IQGAP2: variants seen among roughly 807,000 people sequenced by gnomAD.
IQGAP2 encodes the protein ras GTPase-activating-like protein IQGAP2.
Under a neutral mutation model 201.3 loss-of-function variants are expected in IQGAP2, and 173 were observed. That is an observed-to-expected ratio of 0.86 (90% CI 0.76 to 0.98). IQGAP2 has a LOEUF of 0.98. Among genes scored for constraint, IQGAP2 ranks in the 50% least tolerant of loss-of-function variants. The probability of loss-of-function intolerance (pLI) is 0.00; values close to 1 mark genes in which losing one functional copy is unlikely to be tolerated. For missense variants in IQGAP2, 1,687 were observed against 1,864.8 expected, an observed-to-expected ratio of 0.90 and a Z score of 1.76; for synonymous variants, 675 against 673.9, an observed-to-expected ratio of 1.00 and a Z score of -0.03.
intron 7 of IQGAP2, 136 bp from the exon 8 acceptor site, chr5:76,590,272 C>G (rs1263658070): frequency 8.9e-6 from 6 of 676,782 alleles, no homozygotes; most frequent in East Asian, 2.6e-5. Flanking sequence ...TAATATGTCT[C>G]AGTTCTCTTT....
Position 76,701,168 on chromosome 5 carries a change from A to G in IQGAP2, c.4460A>G (p.His1487Arg), listed in dbSNP as rs765659502. 2 of 1,614,264 alleles carry G rather than the reference A, an allele frequency of 1.2e-6. No individual in the cohort carries two copies. Among genetic ancestry groups the G allele is most frequent in the South Asian group, 1.1e-5 (1 of 91,088 alleles). ...GTGAAGTACACTGCAGCAAAGCTGC[A>G]TGAGAAAGGTGTCCTGCTAGATATA... is the stretch of plus-strand genomic sequence containing the variant. ...KPVKYTAAKL[H>R]EKGVLLDIDD... Residue 1487 changes from histidine (H) to arginine (R), a missense_variant, in exon 34 of 36, where the codon CAT (histidine) becomes CGT (arginine). Coordinates refer to ENST00000274364, the MANE Select transcript of IQGAP2 (RefSeq NM_006633.5).
chr5:76,411,881 C>T (rs1751139921), intron 1 of IQGAP2, among the ~76,000 whole-genome samples: 1 of 152,138 alleles, frequency 6.6e-6, no homozygotes, highest in African/African-American at 2.4e-5. Context: ...TTATAGGAGC[C>T]ATTGGGAAGG....
chr5:76,654,180 TATTTTTTA>T lies in IQGAP2; in HGVS notation c.2179-18_2179-11del. The T allele has an allele frequency of 6.4e-7, 1 of 1,567,690 alleles. No individual in the cohort carries two copies. Among genetic ancestry groups the T allele is most frequent in the Admixed American group, 1.8e-5 (1 of 57,138 alleles). ...CTCTTTATTTTTTGTTGTACTTTTC[TATTTTTTA>T]AAACCTTTCAGATTCAGTCCTGGTT... On this transcript the variant is annotated splice_polypyrimidine_tract_variant and intron_variant, in intron 18 of 35. Transcript: ENST00000274364.
At chr5:76,556,350 T>C (rs974793859) in intron 2 of IQGAP2, among the ~76,000 whole-genome samples, 1 of 152,140 alleles carries the variant, frequency 6.6e-6, no homozygotes, top group African/African-American at 2.4e-5. Flanking sequence ...GAAGGGAAGA[T>C]GGAGCCGCCA....
rs777788888 is a variant in IQGAP2 at position 76,683,185 on chromosome 5, T to C, written c.3731T>C (p.Leu1244Pro). Residue 1244 changes from leucine (L) to proline (P), a missense_variant, in exon 29 of 36, where the codon CTG becomes CCG. Physicochemically the swap from Leu to Pro is moderately conservative, Grantham distance 98. Transcript: ENST00000274364. Reference protein sequence around the residue: ...NDLLSELLGSLGEVPTVESFL... With the variant: ...NDLLSELLGSPGEVPTVESFL... ...TTACTGAGTGAATTGCTGGGGTCGC[T>C]GGGAGAGGTGCCAACCGTGGAATCT... 9.9e-6 allele frequency: 16 copies of C among 1,612,372 alleles called. No homozygotes were observed. Among genetic ancestry groups the C allele is most frequent in the Non-Finnish European group, 1.4e-5 (16 of 1,179,248 alleles).
intron 2 of IQGAP2, among the ~76,000 whole-genome samples, chr5:76,472,027 G>T (rs953149845): frequency 6.6e-6 from 1 of 152,248 alleles, no homozygotes; most frequent in Non-Finnish European, 1.5e-5. Flanking sequence ...CGGGGAGCAA[G>T]ATGAACTGCT....
intron 13 of IQGAP2, among the ~76,000 whole-genome samples, chr5:76,622,151 T>C (rs1430569148): frequency 6.6e-6 from 1 of 152,062 alleles, no homozygotes. Context: ...ATTCACTGCC[T>C]CTTTGTTTCC....
rs777840288 is a variant in IQGAP2, at chr5:76,683,069, G to A, written c.3661-46G>A. On this transcript the variant is annotated intron_variant, in intron 28 of 35. Coordinates refer to ENST00000274364, the MANE Select transcript of IQGAP2 (RefSeq NM_006633.5). ...AATTTCATATAAATATGGTACAGTTGAGAATTTACTTTTTTCTTTGTGTGT... is the reference window on the plus strand; with the variant it reads ...AATTTCATATAAATATGGTACAGTTAAGAATTTACTTTTTTCTTTGTGTGT... 4.2e-6 allele frequency: 5 copies of A among 1,195,346 alleles called. No homozygotes were observed. The South Asian group carries it at 6.6e-5, about 16-fold the overall frequency. The allele number at this position is 1,195,346 out of a possible 1,614,324, so 74.0% of individuals were successfully genotyped here.
intron 13 of IQGAP2, among the ~76,000 whole-genome samples, chr5:76,615,141 A>G (rs1037534014): frequency 2.0e-5 from 3 of 152,204 alleles, no homozygotes; most frequent in African/African-American, 4.8e-5. Flanking sequence ...CTATTTTACA[A>G]TTGAAGGTTT....
chr5:76,605,058 A>G (rs986694825), intron 11 of IQGAP2, among the ~76,000 whole-genome samples: 34 of 152,180 alleles, frequency 2.2e-4, no homozygotes, highest in Admixed American at 1.1e-3. Context: ...ATTGTTCTTC[A>G]TTGCCCTGGT....
At chr5:76,664,500 T>C (rs569462713) in intron 21 of IQGAP2, among the ~76,000 whole-genome samples, 2 of 152,234 alleles carry the variant, frequency 1.3e-5, no homozygotes, top group East Asian at 3.9e-4. Context: ...CTGGCCAACA[T>C]GGTGAAACCC....
At chr5:76,627,956 A>C (rs1750392536) in intron 14 of IQGAP2, among the ~76,000 whole-genome samples, 1 of 152,258 alleles carries the variant, frequency 6.6e-6, no homozygotes, top group African/African-American at 2.4e-5. Context: ...TTCTTACTTA[A>C]TCTGTACAAC....
intron 2 of IQGAP2, among the ~76,000 whole-genome samples, chr5:76,538,335 G>A (rs982516782): frequency 7.0e-6 from 1 of 143,424 alleles, no homozygotes; most frequent in African/African-American, 2.7e-5. Context: ...AGATTTGGGT[G>A]GGGACACAGC....
At chr5:76,703,894 ACTGT>A (rs1423907007) in intron 35 of IQGAP2, among the ~76,000 whole-genome samples, 1 of 152,176 alleles carries the variant, frequency 6.6e-6, no homozygotes, top group African/African-American at 2.4e-5. Context: ...TTCTGGCCTC[ACTGT>A]CTGTGCAGCC....
chr5:76,627,030 C>T (rs76609069), intron 13 of IQGAP2, among the ~76,000 whole-genome samples: 3 of 151,888 alleles, frequency 2.0e-5, no homozygotes, highest in East Asian at 1.9e-4. Context: ...TTCTAACTGC[C>T]GGGGGAAGCC....
chr5:76,506,419 A>T (rs1302265084), intron 2 of IQGAP2, among the ~76,000 whole-genome samples: 1 of 152,248 alleles, frequency 6.6e-6, no homozygotes, highest in Non-Finnish European at 1.5e-5. Context: ...CAGTGGCATG[A>T]ACTTATCTCA....
chr5:76,666,087 G>A lies in IQGAP2; in HGVS notation c.2679+912G>A, dbSNP rs3797447. 3.0e-4 allele frequency among the ~76,000 whole-genome samples: 45 copies of A among 152,300 alleles called. No homozygotes were observed. The East Asian group carries it at 7.9e-3, about 27-fold the overall frequency. On this transcript the variant is annotated intron_variant, in intron 22 of 35. Coordinates refer to ENST00000274364, the MANE Select transcript of IQGAP2 (RefSeq NM_006633.5). The stretch of plus-strand genomic sequence containing the variant: ...ATTACACAAACCATAAATAAGAGGC[G>A]TGGCTAACCTCATGGAGAAACACGA...
At chr5:76,676,076 G>GTCAC (rs1744783090) in intron 27 of IQGAP2, among the ~76,000 whole-genome samples, 1 of 85,448 alleles carries the variant, frequency 1.2e-5, no homozygotes, top group Non-Finnish European at 2.7e-5. Context: ...GTAAGACTCT[G>GTCAC]TCACACACAC....
chr5:76,461,797 G>C, intron 2 of IQGAP2, 128 bp downstream of exon 2: 3 of 657,572 alleles, frequency 4.6e-6, no homozygotes, highest in Non-Finnish European at 5.3e-6. Flanking sequence ...CGTAGTTGGA[G>C]ATGGCCAGGG....
Sources: allele counts gnomAD v4.1 joint callset (sites outside exome capture counted in the v4.1 genomes callset), GRCh38; gene constraint gnomAD v4.1.1; transcripts MANE v1.5; gene names NCBI Gene and HGNC (gene_info 2026-07-23, HGNC 2026-07-21).